The following DOCK9 variants were observed in gnomAD, a reference collection of about 807,000 sequenced individuals.
DOCK9 encodes the protein dedicator of cytokinesis 9.
DOCK9 carries 89 observed loss-of-function variants against 263.3 expected under a neutral mutation model. The observed-to-expected ratio is 0.34, with a 90% CI of 0.28 to 0.40. The LOEUF (loss-of-function observed/expected upper bound fraction) is 0.40. Among genes scored for constraint, DOCK9 ranks in the 10% least tolerant of loss-of-function variants. The probability of loss-of-function intolerance (pLI) is 1.00; values close to 1 mark genes in which losing one functional copy is unlikely to be tolerated. For synonymous variants in DOCK9, 976 were observed against 973.1 expected (o/e 1.00, Z -0.06); for missense variants, 2,140 against 2,603.4 (o/e 0.82, Z 3.87).
In DOCK9 at chr13:98,807,786, C is replaced by T; in HGVS notation, c.5389G>A (p.Gly1797Arg). 1 of 1,610,750 alleles carries T rather than the reference C, an allele frequency of 6.2e-7. No individual in the cohort carries two copies. The highest frequency in any genetic ancestry group is 8.5e-7 in the Non-Finnish European group (1 of 1,177,830). ...FGQGFFEDEDGKEYIYKEPKL... is the reference protein window; with the variant it reads ...FGQGFFEDEDRKEYIYKEPKL... ...GGTTCCTTGTAAATATACTCCTTTCCATCTTCATCTTCAAAGAATCCCTGT... is the reference window on the plus strand; with the variant it reads ...GGTTCCTTGTAAATATACTCCTTTCTATCTTCATCTTCAAAGAATCCCTGT... Residue 1797 changes from glycine (G) to arginine (R), a missense_variant, in exon 48 of 53, where the codon GGA (glycine) becomes AGA (arginine). Physicochemically the swap from Gly to Arg is moderately radical, Grantham distance 125 (BLOSUM62 -2). Coordinates refer to ENST00000682017, the MANE Select transcript of DOCK9 (RefSeq NM_001366683.2).
chr13:99,039,259 A>G (rs1329300011), intron 1 of DOCK9, among the ~76,000 whole-genome samples: 1 of 152,006 alleles, frequency 6.6e-6, no homozygotes, highest in Non-Finnish European at 1.5e-5. Flanking sequence ...TACATAAGGC[A>G]GGAGTCTTAA....
chr13:99,044,110 A>T (rs1888733905), intron 1 of DOCK9, among the ~76,000 whole-genome samples: 1 of 152,230 alleles, frequency 6.6e-6, no homozygotes, highest in Admixed American at 6.5e-5. Flanking sequence ...GGGAGACTCA[A>T]CCATGGTTTA....
intron 27 of DOCK9, among the ~76,000 whole-genome samples, chr13:98,871,005 G>A (rs1467399326): frequency 2.6e-5 from 4 of 152,178 alleles, no homozygotes; most frequent in Admixed American, 1.3e-4. Context: ...GTTTAGATCC[G>A]GAAGCAGACA....
intron 25 of DOCK9, 131 bp from the exon 26 acceptor site, chr13:98,880,803 C>T: frequency 8.1e-7 from 1 of 1,228,690 alleles, no homozygotes; most frequent in Non-Finnish European, 1.1e-6. Context: ...GGTGTGGATA[C>T]AAAGATGGGA....
At chr13:98,991,165 G>A (rs886407382) in intron 1 of DOCK9, among the ~76,000 whole-genome samples, 1 of 151,704 alleles carries the variant, frequency 6.6e-6, no homozygotes, top group South Asian at 2.1e-4. Flanking sequence ...TCCGCCTCCT[G>A]GGTTCACGTT....
chr13:99,057,001 T>G (rs879803725), intron 1 of DOCK9, among the ~76,000 whole-genome samples: 2 of 152,206 alleles, frequency 1.3e-5, no homozygotes, highest in African/African-American at 4.8e-5. Context: ...TCTTGCCAAG[T>G]AGCTGGTCTC....
At chr13:99,034,784 G>A (rs979074676) in intron 1 of DOCK9, among the ~76,000 whole-genome samples, 9 of 152,148 alleles carry the variant, frequency 5.9e-5, no homozygotes, top group African/African-American at 1.9e-4. Context: ...ATAGAGATGC[G>A]TAATAATAAG....
chr13:98,897,432 C>A, intron 15 of DOCK9, 56 bp downstream of exon 15: 1 of 1,598,340 alleles, frequency 6.3e-7, no homozygotes, highest in East Asian at 2.2e-5. Flanking sequence ...CTGTTCCTCC[C>A]TCCCCACTAC....
intron 1 of DOCK9, among the ~76,000 whole-genome samples, chr13:99,058,315 T>C (rs1241381612): frequency 6.6e-6 from 1 of 151,950 alleles, no homozygotes; most frequent in Non-Finnish European, 1.5e-5. Context: ...CAGGCATGCG[T>C]CACCACACCC....
intron 15 of DOCK9, among the ~76,000 whole-genome samples, chr13:98,896,510 A>T (rs544063703): frequency 1.3e-4 from 19 of 151,474 alleles, no homozygotes; most frequent in South Asian, 2.1e-4. Context: ...AAAAACAAGG[A>T]TACCTTTGGC....
chr13:98,853,988 C>T (rs1351460801), intron 34 of DOCK9, among the ~76,000 whole-genome samples: 2 of 152,166 alleles, frequency 1.3e-5, no homozygotes, highest in Non-Finnish European at 2.9e-5. Context: ...CACCCCAGAA[C>T]CTGGAGCCCA....
intron 49 of DOCK9, among the ~76,000 whole-genome samples, chr13:98,802,098 TG>T (rs201918170): frequency 1.5e-3 from 232 of 152,286 alleles, no homozygotes; most frequent in African/African-American, 5.3e-3. Context: ...CAGGGGGCTG[TG>T]CTTCAGGGGA....
chr13:98,831,863 A>G, intron 39 of DOCK9, 77 bp from the exon 40 acceptor site: 1 of 1,531,922 alleles, frequency 6.5e-7, no homozygotes, highest in Non-Finnish European at 8.8e-7. Context: ...AGGCTCAAGA[A>G]TTACATTTTC....
upstream of DOCK9, among the ~76,000 whole-genome samples, chr13:98,979,232 C>CAGT (rs1567163820): frequency 6.8e-4 from 90 of 131,604 alleles, no homozygotes; most frequent in Non-Finnish European, 1.3e-3. Context: ...GTAGTAGTAG[C>CAGT]AGCAGCGGCG....
At chr13:98,951,665 A>C (rs1322348288) in intron 2 of DOCK9, among the ~76,000 whole-genome samples, 1 of 152,224 alleles carries the variant, frequency 6.6e-6, no homozygotes, top group African/African-American at 2.4e-5. Context: ...CTGTGGACTT[A>C]AATAGCTTCA....
chr13:98,993,595 G>A (rs1880315740), intron 1 of DOCK9, among the ~76,000 whole-genome samples: 1 of 152,136 alleles, frequency 6.6e-6, no homozygotes, highest in East Asian at 1.9e-4. Context: ...TCTTCACTAG[G>A]AATACTTCCA....
intron 9 of DOCK9, among the ~76,000 whole-genome samples, chr13:98,909,576 A>T (rs1267397950): frequency 6.6e-6 from 1 of 152,214 alleles, no homozygotes; most frequent in Non-Finnish European, 1.5e-5. Context: ...AAGAGTTATC[A>T]TGATTTATTT....
chr13:98,845,454 C>G, intron 38 of DOCK9: 1 of 977,116 alleles, frequency 1.0e-6, no homozygotes, highest in Non-Finnish European at 1.4e-6. Flanking sequence ...TATGTTTTCA[C>G]AGTAGTGCAA....
intron 47 of DOCK9, chr13:98,808,530 T>C (rs1237076205): frequency 1.4e-6 from 1 of 723,474 alleles, no homozygotes; most frequent in Admixed American, 2.8e-5. Flanking sequence ...CACAAAACAG[T>C]AAAAAAAAAT....
Sources: allele counts gnomAD v4.1 joint callset (sites outside exome capture counted in the v4.1 genomes callset), GRCh38; gene constraint gnomAD v4.1.1; transcripts MANE v1.5; gene names NCBI Gene and HGNC (gene_info 2026-07-23, HGNC 2026-07-21).